The following C12orf42 variants were observed in gnomAD, a reference collection of about 807,000 sequenced individuals.
C12orf42 encodes uncharacterized protein C12orf42.
A neutral mutation model predicts 21.6 loss-of-function variants in C12orf42; 25 were observed. The ratio of observed to expected loss-of-function variants is 1.16; its 90% CI spans 0.84 to 1.62. C12orf42 has a LOEUF of 1.62. C12orf42 is among the 40% of genes most tolerant of loss of function. The pLI is 0.00. For synonymous variants in C12orf42, 174 were observed against 175.0 expected (o/e 0.99, Z 0.05); for missense variants, 483 against 459.3 (o/e 1.05, Z -0.47).
chr12:103,435,093 C>G (rs1356668035), intron 2 of C12orf42, among the ~76,000 whole-genome samples: 7 of 152,112 alleles, frequency 4.6e-5, no homozygotes, highest in Non-Finnish European at 8.8e-5. Flanking sequence ...GTCCCTGACC[C>G]CTGACCCCCG....
chr12:103,150,339 C>T, the C12orf42 span, among the ~76,000 whole-genome samples: 6 of 152,106 alleles, frequency 3.9e-5, no homozygotes, highest in East Asian at 1.9e-4. Flanking sequence ...AAAGTGTCAA[C>T]GATGCTATAA....
rs574954820 is a variant in C12orf42, at chr12:103,478,058, G to C, written c.78+291C>G. 3 of 286,688 alleles carry C rather than the reference G, an allele frequency of 1.0e-5. No individual in the cohort carries two copies. The South Asian group carries it at 1.2e-4, about 12-fold the overall frequency. 17.8% of individuals were successfully genotyped at this position (286,688 alleles called of 1,614,324 possible). On this transcript the variant is annotated intron_variant, in intron 2 of 5. Transcript: ENST00000548883. ...CATGTGCCTCAATCCTAATGGTGTGGGGTTACCTTAGTAACATAAGAAATA... is the reference window on the plus strand; with the variant it reads ...CATGTGCCTCAATCCTAATGGTGTGCGGTTACCTTAGTAACATAAGAAATA...
chr12:103,317,960 A>G (rs2039683069), intron 4 of C12orf42, among the ~76,000 whole-genome samples: 2 of 152,208 alleles, frequency 1.3e-5, no homozygotes, highest in Non-Finnish European at 2.9e-5. Flanking sequence ...CCATTCTCTT[A>G]TTGACAGACA....
the C12orf42 span, among the ~76,000 whole-genome samples, chr12:103,158,811 C>G: frequency 1.4e-5 from 2 of 148,048 alleles, no homozygotes; most frequent in South Asian, 2.1e-4. Context: ...ACCCGGGAGG[C>G]GGAGGTTGCA....
chr12:103,294,428 G>GAGCAAGAAAGAAAGAA (rs2037031273), intron 4 of C12orf42, among the ~76,000 whole-genome samples: 1 of 96,020 alleles, frequency 1.0e-5, no homozygotes, highest in African/African-American at 4.5e-5. Context: ...AAAGGAGAGA[G>GAGCAAGAAAGAAAGAA]AGAAAGAAAG....
intron 2 of C12orf42, among the ~76,000 whole-genome samples, chr12:103,427,141 C>T (rs1404079836): frequency 6.6e-6 from 1 of 151,688 alleles, no homozygotes; most frequent in East Asian, 1.9e-4. Context: ...GCTAAATGCC[C>T]CAATTAAAAG....
chr12:103,480,884 CTG>C (rs1954419775), intron 1 of C12orf42, among the ~76,000 whole-genome samples: 1 of 151,562 alleles, frequency 6.6e-6, no homozygotes, highest in Non-Finnish European at 1.5e-5. Context: ...TAATCTATAA[CTG>C]TTCATTAGAT....
At chr12:103,172,385 T>C in the C12orf42 span, among the ~76,000 whole-genome samples, 3 of 152,082 alleles carry the variant, frequency 2.0e-5, no homozygotes, top group Non-Finnish European at 2.9e-5. Flanking sequence ...CAGCCCACAG[T>C]TGTAGGACAA....
the C12orf42 span, among the ~76,000 whole-genome samples, chr12:103,174,397 C>T: frequency 6.6e-6 from 1 of 152,134 alleles, no homozygotes; most frequent in East Asian, 1.9e-4. Context: ...ATGTACCAAG[C>T]ACTGGTCTAA....
chr12:103,374,636 A>G (rs889614695), intron 3 of C12orf42, among the ~76,000 whole-genome samples: 5 of 152,142 alleles, frequency 3.3e-5, no homozygotes, highest in African/African-American at 1.2e-4. Flanking sequence ...GGCCACACAC[A>G]AAATACGCCA....
At chr12:103,240,342 T>C (rs2033674422) in intron 10 of C12orf42, among the ~76,000 whole-genome samples, 1 of 152,162 alleles carries the variant, frequency 6.6e-6, no homozygotes, top group Admixed American at 6.6e-5. Flanking sequence ...GGGTTCAACA[T>C]CAGCTCTAGA....
chr12:103,423,011 A>T (rs548398916), intron 2 of C12orf42, among the ~76,000 whole-genome samples: 5 of 152,290 alleles, frequency 3.3e-5, no homozygotes, highest in African/African-American at 1.2e-4. Context: ...TCACATCCAC[A>T]TTGGAGCCAG....
At chr12:103,109,152 A>G in the C12orf42 span, among the ~76,000 whole-genome samples, 3 of 152,184 alleles carry the variant, frequency 2.0e-5, no homozygotes, top group Non-Finnish European at 4.4e-5. Context: ...AAATTTGAAG[A>G]AGAATTAGGA....
chr12:103,354,585 C>A (rs2137537438), intron 4 of C12orf42, among the ~76,000 whole-genome samples: 1 of 152,218 alleles, frequency 6.6e-6, no homozygotes, highest in South Asian at 2.1e-4. Flanking sequence ...GCCTCCAGTA[C>A]CCAGAACAGT....
downstream of C12orf42, among the ~76,000 whole-genome samples, chr12:103,300,316 T>A (rs2037564448): frequency 6.6e-6 from 1 of 152,166 alleles, no homozygotes; most frequent in Non-Finnish European, 1.5e-5. Context: ...TTACTATGAC[T>A]CTCTAAGAGG....
chr12:103,128,192 C>A, the C12orf42 span, among the ~76,000 whole-genome samples: 1 of 152,004 alleles, frequency 6.6e-6, no homozygotes. Flanking sequence ...TCCTAGAGCC[C>A]AAAATATGGG....
chr12:103,160,101 G>A, the C12orf42 span, among the ~76,000 whole-genome samples: 1 of 152,292 alleles, frequency 6.6e-6, no homozygotes, highest in South Asian at 2.1e-4. Flanking sequence ...CTGATAATGA[G>A]CATTGCGCTT....
At chr12:103,417,482 A>G (rs1351930525) in intron 2 of C12orf42, among the ~76,000 whole-genome samples, 3 of 152,152 alleles carry the variant, frequency 2.0e-5, no homozygotes, top group African/African-American at 7.2e-5. Context: ...CTTAGCCTCC[A>G]TATTCCCCTG....
chr12:103,213,096 G>T, the C12orf42 span, among the ~76,000 whole-genome samples: 4 of 152,088 alleles, frequency 2.6e-5, no homozygotes, highest in East Asian at 5.8e-4. Flanking sequence ...AATTTAAAAT[G>T]CTGGAATTAA....
Sources: allele counts gnomAD v4.1 joint callset (sites outside exome capture counted in the v4.1 genomes callset), GRCh38; gene constraint gnomAD v4.1.1; transcripts MANE v1.5; gene names NCBI Gene and HGNC (gene_info 2026-07-23, HGNC 2026-07-21).